FHIT: variants seen among roughly 807,000 people sequenced by gnomAD.
The protein encoded by FHIT is bis(5'-adenosyl)-triphosphatase.
A neutral mutation model predicts 17.9 loss-of-function variants in FHIT; 19 were observed. The observed-to-expected ratio is 1.06, with a 90% CI of 0.74 to 1.56. The LOEUF is 1.56. Among genes scored for constraint, FHIT ranks in the 40% most tolerant of loss-of-function variants. The pLI is 0.00. For missense variants in FHIT, 248 were observed against 189.2 expected, an observed-to-expected ratio of 1.31 and a Z score of -1.82; for synonymous variants, 81 against 69.7, an observed-to-expected ratio of 1.16 and a Z score of -0.81.
chr3:61,211,195 G>T lies in FHIT; in HGVS notation c.-212-10530C>A, dbSNP rs577423582. 1.2e-4 allele frequency among the ~76,000 whole-genome samples: 18 copies of T among 152,024 alleles called. No individual in the cohort carries two copies. The East Asian group carries it at 3.6e-3, about 30-fold the overall frequency. ...AGCACCGTGCACAAGCCGAAGCAGG[G>T]TGAGGCATTGCCTCACTCGGGAAGT... On this transcript the variant is annotated intron_variant, in intron 1 of 9. Transcript: ENST00000492590.
At chr3:60,118,892 G>A (rs1318395141) in intron 5 of FHIT, among the ~76,000 whole-genome samples, 2 of 150,474 alleles carry the variant, frequency 1.3e-5, no homozygotes, top group African/African-American at 4.9e-5. Context: ...GTGGTGGCGG[G>A]CACCTGTAAT....
At chr3:61,080,519 T>C (rs1184859698) in intron 2 of FHIT, among the ~76,000 whole-genome samples, 1 of 152,114 alleles carries the variant, frequency 6.6e-6, no homozygotes, top group Non-Finnish European at 1.5e-5. Flanking sequence ...TAAGTAGAAA[T>C]AGCTTTTGTG....
At chr3:59,923,868 G>A (rs1415894865) in intron 7 of FHIT, among the ~76,000 whole-genome samples, 3 of 152,138 alleles carry the variant, frequency 2.0e-5, no homozygotes, top group Non-Finnish European at 2.9e-5. Flanking sequence ...CGTGGTCCAA[G>A]GTGAATGAAG....
chr3:60,892,402 C>A (rs186804585), intron 3 of FHIT, among the ~76,000 whole-genome samples: 1 of 152,316 alleles, frequency 6.6e-6, no homozygotes, highest in African/African-American at 2.4e-5. Context: ...CCTCTCCCAC[C>A]ACACACCCTT....
intron 3 of FHIT, among the ~76,000 whole-genome samples, chr3:61,023,300 C>T (rs1183692522): frequency 1.3e-5 from 2 of 152,082 alleles, no homozygotes; most frequent in Non-Finnish European, 1.5e-5. Flanking sequence ...TGTGAAGGAC[C>T]TCTTCAAGGA....
At chr3:60,021,942 G>A (rs2106737438) in intron 5 of FHIT, among the ~76,000 whole-genome samples, 1 of 152,296 alleles carries the variant, frequency 6.6e-6, no homozygotes, top group South Asian at 2.1e-4. Context: ...ATGAAATGAA[G>A]TAAAATAGCT....
intron 4 of FHIT, among the ~76,000 whole-genome samples, chr3:60,603,687 G>A (rs1354224681): frequency 6.6e-6 from 1 of 151,866 alleles, no homozygotes; most frequent in East Asian, 1.9e-4. Flanking sequence ...CTCTTTCAAT[G>A]AGCAACATCA....
At chr3:60,959,956 C>T (rs1709340037) in intron 3 of FHIT, among the ~76,000 whole-genome samples, 1 of 151,342 alleles carries the variant, frequency 6.6e-6, no homozygotes, top group African/African-American at 2.4e-5. Context: ...AACAAGAATC[C>T]CTATAGACAA....
intron 3 of FHIT, among the ~76,000 whole-genome samples, chr3:60,871,942 T>G (rs1704435036): frequency 6.6e-6 from 1 of 152,088 alleles, no homozygotes; most frequent in Non-Finnish European, 1.5e-5. Context: ...AAATTACAAG[T>G]GTGAGCCACT....
At chr3:60,109,678 A>G (rs891628525) in intron 5 of FHIT, among the ~76,000 whole-genome samples, 15 of 152,290 alleles carry the variant, frequency 9.8e-5, no homozygotes, top group Non-Finnish European at 1.5e-4. Context: ...TAAGTATCCT[A>G]TAGTACTGAG....
intron 5 of FHIT, among the ~76,000 whole-genome samples, chr3:60,076,597 A>C (rs1451418549): frequency 6.6e-6 from 1 of 152,068 alleles, no homozygotes; most frequent in Admixed American, 6.6e-5. Flanking sequence ...TACTGTGATT[A>C]GCAATGCATG....
intron 5 of FHIT, among the ~76,000 whole-genome samples, chr3:60,169,990 G>A (rs1345188250): frequency 6.6e-6 from 1 of 152,146 alleles, no homozygotes; most frequent in Non-Finnish European, 1.5e-5. Flanking sequence ...TGCTGTTTTC[G>A]ATGATCCAGC....
chr3:60,856,958 A>C (rs1052397878), intron 3 of FHIT, among the ~76,000 whole-genome samples: 5 of 151,994 alleles, frequency 3.3e-5, no homozygotes, highest in Admixed American at 3.3e-4. Flanking sequence ...CCACTCCAAA[A>C]CCAGGTTACC....
At chr3:60,125,678 G>T (rs1198260288) in intron 5 of FHIT, among the ~76,000 whole-genome samples, 10 of 121,726 alleles carry the variant, frequency 8.2e-5, no homozygotes, top group African/African-American at 3.1e-4. Context: ...ATATATGTGT[G>T]TGCGTGTGTA....
At chr3:61,212,440 G>T (rs1253253425) in intron 1 of FHIT, among the ~76,000 whole-genome samples, 3 of 152,178 alleles carry the variant, frequency 2.0e-5, no homozygotes, top group Admixed American at 2.0e-4. Context: ...AGCAAGAAGA[G>T]AAGTTTAGAG....
intron 3 of FHIT, among the ~76,000 whole-genome samples, chr3:60,864,927 T>C (rs1250609302): frequency 6.6e-6 from 1 of 152,106 alleles, no homozygotes; most frequent in African/African-American, 2.4e-5. Flanking sequence ...CATGTAAGAA[T>C]CCAGCTGTCT....
chr3:60,024,308 T>A (rs1178785323), intron 5 of FHIT, among the ~76,000 whole-genome samples: 1 of 152,230 alleles, frequency 6.6e-6, no homozygotes, highest in Non-Finnish European at 1.5e-5. Flanking sequence ...TGAATCAACG[T>A]CTTTCTCTCT....
At chr3:60,400,484 C>A (rs1441228876) in intron 5 of FHIT, among the ~76,000 whole-genome samples, 6 of 152,108 alleles carry the variant, frequency 3.9e-5, no homozygotes, top group Admixed American at 3.3e-4. Flanking sequence ...AAAGAATGTT[C>A]TAACAATGTT....
At chr3:60,306,898 G>A (rs964624449) in intron 5 of FHIT, among the ~76,000 whole-genome samples, 14 of 152,190 alleles carry the variant, frequency 9.2e-5, no homozygotes, top group South Asian at 2.1e-4. Flanking sequence ...AGGATTGATC[G>A]TGAGAGTGTT....
Sources: allele counts gnomAD v4.1 joint callset (sites outside exome capture counted in the v4.1 genomes callset), GRCh38; gene constraint gnomAD v4.1.1; transcripts MANE v1.5; gene names NCBI Gene and HGNC (gene_info 2026-07-23, HGNC 2026-07-21).